The following CCDC88C variants were observed in gnomAD, a reference collection of about 807,000 sequenced individuals.
CCDC88C encodes protein Daple.
CCDC88C carries 131 observed loss-of-function variants against 198.8 expected under a neutral mutation model. The ratio of observed to expected loss-of-function variants is 0.66; its 90% CI spans 0.57 to 0.76. The LOEUF (loss-of-function observed/expected upper bound fraction) is 0.76. Ranked by LOEUF, CCDC88C falls within the 30% of genes least tolerant of loss-of-function variation. The pLI is 0.00. For synonymous variants in CCDC88C, 1,166 were observed against 1,114.7 expected (o/e 1.05, Z -0.92); for missense variants, 2,553 against 2,631.6 (o/e 0.97, Z 0.65).
chr14:91,407,227 CAA>C (rs1886545017), intron 3 of CCDC88C, among the ~76,000 whole-genome samples: 1 of 152,200 alleles, frequency 6.6e-6, no homozygotes, highest in African/African-American at 2.4e-5. Flanking sequence ...GGGCCCAGCA[CAA>C]AGCCCAATGC....
chr14:91,277,688 C>T (rs1036894636), intron 29 of CCDC88C, among the ~76,000 whole-genome samples: 2 of 152,232 alleles, frequency 1.3e-5, no homozygotes, highest in African/African-American at 4.8e-5. Flanking sequence ...GTGCGGGCCA[C>T]AAGCTCTGCC....
chr14:91,338,403 G>A lies in CCDC88C; in HGVS notation c.891+86C>T, dbSNP rs575100368. The A allele has an allele frequency of 4.3e-4, 525 of 1,217,100 alleles. 1 individual carries two copies. Among genetic ancestry groups the A allele is most frequent in the Admixed American group, 8.3e-4 (42 of 50,336 alleles). 75.4% of individuals were successfully genotyped at this position (1,217,100 alleles called of 1,614,324 possible). A position where few individuals can be genotyped will look rare whatever the true frequency, so the allele number is the denominator to read the frequency against. ...TCTTGTGTGGCTTAAAAGCGCTGCT[G>A]TTGAGCTCCTGACCCTCCAGGCCCC... On this transcript the variant is annotated intron_variant, in intron 9 of 29. Coordinates refer to ENST00000389857, the MANE Select transcript of CCDC88C (RefSeq NM_001080414.4). The surrounding 1 kb of genome is among the most constrained non-coding windows in gnomAD (Gnocchi z 4.8).
chr14:91,285,643 A>G (rs1243015054), intron 25 of CCDC88C: 1 of 1,285,438 alleles, frequency 7.8e-7, no homozygotes, highest in African/African-American at 1.5e-5. Context: ...AGGGTACACA[A>G]TACAGACACA....
chr14:91,290,164 C>T (rs1336494288), intron 24 of CCDC88C, among the ~76,000 whole-genome samples: 2 of 152,146 alleles, frequency 1.3e-5, no homozygotes, highest in South Asian at 2.1e-4. Flanking sequence ...CCCAGCTACT[C>T]GGGAGGGTGA....
At chr14:91,368,577 C>T (rs919458882) in intron 3 of CCDC88C, among the ~76,000 whole-genome samples, 1 of 152,194 alleles carries the variant, frequency 6.6e-6, no homozygotes, top group African/African-American at 2.4e-5. Flanking sequence ...CACACGTATT[C>T]CAGTGTTCCC....
chr14:91,309,071 A>G (rs868365450), intron 16 of CCDC88C, among the ~76,000 whole-genome samples: 3 of 152,200 alleles, frequency 2.0e-5, no homozygotes, highest in Non-Finnish European at 2.9e-5. Flanking sequence ...TACTAAAAAA[A>G]TACAAAAATT....
At chr14:91,324,037 C>T (rs1052498376) in intron 12 of CCDC88C, among the ~76,000 whole-genome samples, 15 of 152,262 alleles carry the variant, frequency 9.9e-5, no homozygotes, top group Admixed American at 2.6e-4. Flanking sequence ...CCCCATCACA[C>T]CCTGGAAAGT....
chr14:91,329,145 T>C (rs1053572084), intron 10 of CCDC88C, among the ~76,000 whole-genome samples: 1 of 152,228 alleles, frequency 6.6e-6, no homozygotes, highest in African/African-American at 2.4e-5. Flanking sequence ...TGGACATCCC[T>C]TGAACTTCAC....
rs564088778 is a variant in CCDC88C, at chr14:91,282,732, C to T, written c.4630+597G>A. Reference sequence around the variant, plus strand: ...TTTGTTTTCAATACAGGACACCTGCCTCAACTGTGTCAGTGAACTTCCAGT... The same window carrying T: ...TTTGTTTTCAATACAGGACACCTGCTTCAACTGTGTCAGTGAACTTCCAGT... On this transcript the variant is annotated intron_variant, in intron 26 of 29. Transcript: ENST00000389857. Among the ~76,000 whole-genome samples, 7 of 152,306 alleles carry T rather than the reference C, an allele frequency of 4.6e-5. No individual in the cohort carries two copies. In the South Asian group the frequency reaches 1.4e-3, roughly 32 times the overall value.
rs7156571 is a variant in CCDC88C at position 91,346,788 on chromosome 14, G to A, written c.341-3131C>T. ...GTGGCACGCGTCTGTAATCCCAGCT[G>A]CTTGGGAGGTTGAGGCAGGAGAATC... On this transcript the variant is annotated intron_variant, in intron 4 of 29. Coordinates refer to ENST00000389857, the MANE Select transcript of CCDC88C (RefSeq NM_001080414.4). 3.1e-3 allele frequency among the ~76,000 whole-genome samples: 475 copies of A among 152,218 alleles called. 6 individuals carry two copies. Among genetic ancestry groups the A allele is most frequent in the African/African-American group, 0.011 (450 of 41,540 alleles).
At chr14:91,382,899 G>A (rs536914468) in intron 3 of CCDC88C, among the ~76,000 whole-genome samples, 7 of 152,242 alleles carry the variant, frequency 4.6e-5, no homozygotes, top group South Asian at 4.2e-4. Context: ...CACAGGCCCC[G>A]GAAATCTGAA....
At chr14:91,298,369 T>C (rs1373924325) in intron 21 of CCDC88C, among the ~76,000 whole-genome samples, 1 of 150,982 alleles carries the variant, frequency 6.6e-6, no homozygotes, top group Non-Finnish European at 1.5e-5. Flanking sequence ...CAAGACTCCG[T>C]CTCAAAAAAA....
At chr14:91,369,103 C>T (rs1376536887) in intron 3 of CCDC88C, among the ~76,000 whole-genome samples, 2 of 152,208 alleles carry the variant, frequency 1.3e-5, no homozygotes, top group East Asian at 3.8e-4. Context: ...GTTGGAACCT[C>T]AGGCCTGGAG....
chr14:91,311,897 T>C (rs1891845018), intron 15 of CCDC88C, among the ~76,000 whole-genome samples: 1 of 151,914 alleles, frequency 6.6e-6, no homozygotes. Context: ...TATACAAGGA[T>C]GTCTAGTATT....
intron 4 of CCDC88C, among the ~76,000 whole-genome samples, chr14:91,351,241 T>C (rs953887988): frequency 1.8e-4 from 27 of 152,216 alleles, no homozygotes; most frequent in Admixed American, 6.5e-5. Context: ...CTGCTTTCCC[T>C]GGTTTTGTAC....
At chr14:91,376,804 C>T (rs563237314) in intron 3 of CCDC88C, among the ~76,000 whole-genome samples, 23 of 152,300 alleles carry the variant, frequency 1.5e-4, no homozygotes, top group African/African-American at 4.8e-4. Context: ...CCAGGCCTGC[C>T]GAGGTAGGAA....
chr14:91,289,073 C>T (rs1004430368), intron 25 of CCDC88C, 32 bp downstream of exon 25: 17 of 1,580,852 alleles, frequency 1.1e-5, no homozygotes, highest in Non-Finnish European at 1.4e-5. Context: ...CCCCCTTCCT[C>T]ACCCGACCAC....
chr14:91,334,640 C>T (rs2139849170), intron 10 of CCDC88C, among the ~76,000 whole-genome samples: 1 of 152,318 alleles, frequency 6.6e-6, no homozygotes, highest in South Asian at 2.1e-4. Flanking sequence ...AAATATGCAT[C>T]GCCACACCCT....
chr14:91,366,081 G>C (rs1894521197), intron 3 of CCDC88C, among the ~76,000 whole-genome samples: 2 of 151,724 alleles, frequency 1.3e-5, no homozygotes, highest in African/African-American at 4.8e-5. Context: ...GGTTCTCACA[G>C]AGACCATATA....
Sources: gnomAD v4.1 joint callset for allele counts (sites outside exome capture counted in the v4.1 genomes callset) on GRCh38, gnomAD v4.1.1 for gene constraint, Gnocchi (gnomAD v3.1) non-coding constraint, MANE v1.5 for transcripts, NCBI Gene and HGNC (gene_info 2026-07-23, HGNC 2026-07-21) for gene names.